NUP205: variants seen among roughly 807,000 people sequenced by gnomAD.
NUP205 encodes nucleoporin 205.
In NUP205, 76 loss-of-function variants were observed where a neutral mutation model predicts 253.8. That is an observed-to-expected ratio of 0.30 (90% confidence interval 0.25 to 0.36). The LOEUF (loss-of-function observed/expected upper bound fraction) is 0.36. Ranked by LOEUF, NUP205 falls within the 10% of genes least tolerant of loss-of-function variation. NUP205 has a pLI of 1.00. For synonymous variants in NUP205, 832 were observed against 850.1 expected, an observed-to-expected ratio of 0.98 and a Z score of 0.37; for missense variants, 2,162 against 2,425.5, an observed-to-expected ratio of 0.89 and a Z score of 2.28.
intron 10 of NUP205, among the ~76,000 whole-genome samples, chr7:135,589,881 A>G (rs988768490): frequency 2.0e-5 from 3 of 151,088 alleles, no homozygotes; most frequent in Admixed American, 6.6e-5. Context: ...TTGTGCTACT[A>G]CATTCCAGCC....
intron 2 of NUP205, 68 bp from the exon 3 acceptor site, chr7:135,573,586 T>G: frequency 1.8e-6 from 2 of 1,140,656 alleles, no homozygotes; most frequent in South Asian, 3.1e-5. Context: ...TAAGCTTCTG[T>G]AGGTAACACT....
intron 13 of NUP205, among the ~76,000 whole-genome samples, chr7:135,595,285 G>A (rs1479866389): frequency 6.6e-6 from 1 of 151,714 alleles, no homozygotes; most frequent in East Asian, 1.9e-4. Context: ...GTACAGTTGT[G>A]TGATCTCAGC....
At chr7:135,629,529 CT>C (rs767221141) in intron 34 of NUP205, among the ~76,000 whole-genome samples, 98 of 127,516 alleles carry the variant, frequency 7.7e-4, no homozygotes, top group South Asian at 3.2e-3. Flanking sequence ...CTCTGTCTCT[CT>C]TTTTTTTTTT....
chr7:135,624,942 TAC>T (rs1677827520), intron 31 of NUP205, among the ~76,000 whole-genome samples: 3 of 152,222 alleles, frequency 2.0e-5, no homozygotes, highest in African/African-American at 7.2e-5. Flanking sequence ...GTTTTGGAAA[TAC>T]ATCTTTACCT....
At position 135,643,235 on chromosome 7, in the gene NUP205, A is replaced by C; in HGVS notation, c.5436A>C (p.Leu1812Phe). Residue 1812 changes from leucine (L) to phenylalanine (F), a missense_variant, in exon 39 of 43, where the codon TTA (leucine) becomes TTC (phenylalanine). Around this residue, in one of 5 missense-constraint regions of NUP205, gnomAD observed 1,144 missense variants for 1,280.9 expected, o/e 0.89. Coordinates refer to ENST00000285968, the MANE Select transcript of NUP205 (RefSeq NM_015135.3). Reference sequence around the variant, plus strand: ...TTCCATACTGGCGCCTGCCTGGTTTAGGCATTATCATCTACCTGCTGAAAC... The same window carrying C: ...TTCCATACTGGCGCCTGCCTGGTTTCGGCATTATCATCTACCTGCTGAAAC... Reference protein sequence around the residue: ...PVVPYWRLPGLGIIIYLLKQS... With the variant: ...PVVPYWRLPGFGIIIYLLKQS... 1.2e-6 allele frequency: 2 copies of C among 1,614,024 alleles called. No individual in the cohort carries two copies. The highest frequency in any genetic ancestry group is 1.3e-5 in the African/African-American group (1 of 74,940).
intron 6 of NUP205, among the ~76,000 whole-genome samples, 155 bp downstream of exon 6, chr7:135,578,179 C>T (rs1283693510): frequency 6.6e-6 from 1 of 152,142 alleles, no homozygotes; most frequent in Non-Finnish European, 1.5e-5. Flanking sequence ...TATAAGATCA[C>T]ATTTAAAAAA....
At chr7:135,587,497 A>G in intron 8 of NUP205, 78 bp from the exon 9 acceptor site, 1 of 760,280 alleles carries the variant, frequency 1.3e-6, no homozygotes, top group Non-Finnish European at 2.0e-6. Flanking sequence ...AGTCACTTTA[A>G]GACAGTTGCC....
At chr7:135,609,819 A>G (rs1268119906) in intron 22 of NUP205, among the ~76,000 whole-genome samples, 3 of 152,314 alleles carry the variant, frequency 2.0e-5, no homozygotes, top group Non-Finnish European at 2.9e-5. Flanking sequence ...TGTAAATCAA[A>G]ATTAATTCTT....
At chr7:135,644,505 A>G (rs1407297726) in intron 39 of NUP205, among the ~76,000 whole-genome samples, 1 of 152,204 alleles carries the variant, frequency 6.6e-6, no homozygotes, top group East Asian at 1.9e-4. Context: ...GTTATGCTCT[A>G]GGTGTCTACC....
Position 135,583,927 on chromosome 7 carries a change from C to T in NUP205, c.1043-905C>T, listed in dbSNP as rs560013080. ...CGTGATCGTGGCTTACCGCAACCTC[C>T]GCCTTCTGGGTTCAAGCGATTCTCC... On this transcript the variant is annotated intron_variant, in intron 7 of 42. Coordinates refer to ENST00000285968, the MANE Select transcript of NUP205 (RefSeq NM_015135.3). 1.6e-4 allele frequency among the ~76,000 whole-genome samples: 24 copies of T among 151,472 alleles called. No homozygotes were observed. In the South Asian group the frequency reaches 3.5e-3, roughly 22 times the overall value.
rs148939481 is a variant in NUP205 at position 135,606,863 on chromosome 7, G to C, written c.3018G>C (p.Leu1006=). The change falls in exon 21 of 43, where the codon CTG becomes CTC. Residue 1006 remains leucine (L), a synonymous_variant. Coordinates refer to ENST00000285968, the MANE Select transcript of NUP205 (RefSeq NM_015135.3). ...ECNPPNLALY[L]LGFELKKPVS... is the part of the protein sequence containing the mutation. ...ATCCACCCAATCTTGCTCTCTACCT[G>C]TTGGGCTTTGAATTGAAAAAACCTG... The C allele has an allele frequency of 6.2e-6, 10 of 1,613,894 alleles. No homozygotes were observed. In the African/African-American group the frequency reaches 1.1e-4, roughly 17 times the overall value.
rs6955556 is a variant in NUP205, at chr7:135,618,581, T to C, written c.3941T>C (p.Ile1314Thr). The C allele has an allele frequency of 1.7e-4, 270 of 1,605,734 alleles. No individual in the cohort carries two copies. In the African/African-American group the frequency reaches 3.4e-3, roughly 20 times the overall value. The change falls in exon 28 of 43, where the codon ATT becomes ACT. Residue 1314 changes from isoleucine (I) to threonine (T), a missense_variant. Transcript: ENST00000285968. ...AEDRQLIIRD[I>T]LQDVHDKILD... ...GATCGACAACTGATTATTCGTGATA[T>C]TTTACAAGATGTGCATGATAAGGTG...
At chr7:135,563,976 A>T (rs1054354457) in intron 1 of NUP205, among the ~76,000 whole-genome samples, 1 of 152,028 alleles carries the variant, frequency 6.6e-6, no homozygotes, top group Non-Finnish European at 1.5e-5. Context: ...TGACAGCAAG[A>T]CCCTGTCACA....
In NUP205 at chr7:135,625,208, A is replaced by G. The variant is rs1794559479; in HGVS notation, c.4524A>G (p.Lys1508=). ...ALLDRIVSVD[K]QQQWLLYLSN... ...TTGATAGAATTGTCTCCGTGGATAAACAGCAGCAGTGGCTTTTGTATCTTT... is the reference window on the plus strand; with the variant it reads ...TTGATAGAATTGTCTCCGTGGATAAGCAGCAGCAGTGGCTTTTGTATCTTT... Residue 1508 remains lysine, a synonymous_variant, in exon 32 of 43, where the codon AAA becomes AAG. Transcript: ENST00000285968. 1 of 1,613,498 alleles carries G rather than the reference A, an allele frequency of 6.2e-7. No individual in the cohort carries two copies.
chr7:135,633,621 G>T (rs1398264420), intron 35 of NUP205, among the ~76,000 whole-genome samples: 4 of 150,200 alleles, frequency 2.7e-5, no homozygotes, highest in Non-Finnish European at 5.9e-5. Flanking sequence ...TTAATTTTTT[G>T]TTGTTGAGAC....
At chr7:135,585,919 C>T (rs1041434120) in intron 8 of NUP205, among the ~76,000 whole-genome samples, 4 of 152,042 alleles carry the variant, frequency 2.6e-5, no homozygotes, top group East Asian at 1.9e-4. Context: ...TTTAAGAAAC[C>T]GTAACACAAA....
intron 22 of NUP205, among the ~76,000 whole-genome samples, 190 bp downstream of exon 22, chr7:135,607,561 A>T (rs1794114493): frequency 6.6e-6 from 1 of 152,212 alleles, no homozygotes; most frequent in African/African-American, 2.4e-5. Flanking sequence ...CCCAAATCTT[A>T]TGTTAATCAC....
chr7:135,638,974 A>G lies in NUP205; in HGVS notation c.5392+291A>G, dbSNP rs578131856. On this transcript the variant is annotated intron_variant, in intron 38 of 42. Transcript: ENST00000285968. ...ATTGGGGAGTCAGGTGGCTGGGTGG[A>G]AAAGATGAAAATACAACAAACAGTT... Among the ~76,000 whole-genome samples, 15 of 152,318 alleles carry G rather than the reference A, an allele frequency of 9.8e-5. 1 individual carries two copies. In the South Asian group the frequency reaches 3.1e-3, roughly 32 times the overall value.
chr7:135,617,543 G>T (rs1379487863), intron 26 of NUP205, 59 bp from the exon 27 acceptor site: 2 of 1,275,260 alleles, frequency 1.6e-6, no homozygotes, highest in African/African-American at 2.9e-5. Flanking sequence ...ATTGCTAGGT[G>T]TTACTGTTCT....
Sources: gnomAD v4.1 joint callset for allele counts (sites outside exome capture counted in the v4.1 genomes callset) on GRCh38, gnomAD v4.1.1 for gene constraint, gnomAD v4.1.1 regional missense constraint, MANE v1.5 for transcripts, NCBI Gene and HGNC (gene_info 2026-07-23, HGNC 2026-07-21) for gene names.